The following GSDME variants were observed in gnomAD, a reference collection of about 807,000 sequenced individuals.
The protein encoded by GSDME is gasdermin-E.
GSDME carries 44 observed loss-of-function variants against 47.5 expected under a neutral mutation model. That is an observed-to-expected ratio of 0.93 (90% CI 0.73 to 1.19). The LOEUF is 1.19. Among genes scored for constraint, GSDME ranks in the 50% most tolerant of loss-of-function variants. The pLI, the probability that GSDME is intolerant of heterozygous loss-of-function variation, is 0.00. For missense variants in GSDME, 663 were observed against 604.2 expected (o/e 1.10, Z -1.02); for synonymous variants, 258 against 252.8 (o/e 1.02, Z -0.20).
the GSDME span, among the ~76,000 whole-genome samples, chr7:24,793,222 T>A: frequency 1.3e-5 from 2 of 152,220 alleles, no homozygotes; most frequent in Admixed American, 1.3e-4. Flanking sequence ...GACCATAAGG[T>A]AAGATTTTTT....
chr7:24,731,999 G>A (rs1250159236), intron 3 of GSDME, among the ~76,000 whole-genome samples: 2 of 152,148 alleles, frequency 1.3e-5, no homozygotes, highest in African/African-American at 4.8e-5. Context: ...GCATAAAGAG[G>A]TACTGCCAGC....
At position 24,716,207 on chromosome 7, in the gene GSDME, G is replaced by A. The variant is rs551507672; in HGVS notation, c.697+1047C>T. On this transcript the variant is annotated intron_variant, in intron 5 of 9. Transcript: ENST00000645220. The surrounding 1 kb of genome is among the most constrained non-coding windows in gnomAD (Gnocchi z 4.5). ...TTACAGAAAATGTCAAACTGCACAGGAATAGAGAGGAGGAGCGTGAACCAG... is the reference window on the plus strand; with the variant it reads ...TTACAGAAAATGTCAAACTGCACAGAAATAGAGAGGAGGAGCGTGAACCAG... 6.6e-6 allele frequency among the ~76,000 whole-genome samples: 1 copy of A among 152,264 alleles called. No homozygotes were observed. Among genetic ancestry groups the A allele is most frequent in the Non-Finnish European group, 1.5e-5 (1 of 68,030 alleles).
chr7:24,782,434 T>A, the GSDME span, among the ~76,000 whole-genome samples: 1 of 152,156 alleles, frequency 6.6e-6, no homozygotes, highest in African/African-American at 2.4e-5. Flanking sequence ...CCATGGTGTA[T>A]ATATGCCACA....
At chr7:24,795,253 C>A in the GSDME span, among the ~76,000 whole-genome samples, 1 of 152,204 alleles carries the variant, frequency 6.6e-6, no homozygotes, top group East Asian at 1.9e-4. Flanking sequence ...CGGCAGGAGT[C>A]CCCCGCAGGG....
rs569964990 is a variant in GSDME, at chr7:24,731,844, G to T, written c.405-12626C>A. On this transcript the variant is annotated intron_variant, in intron 3 of 9. Transcript: ENST00000645220. ...AGATCTTTGGGTAAGCTGGTTAGGA[G>T]GTGGCATAGTAGCATTTATTATGTT... Among the ~76,000 whole-genome samples, 6 of 152,314 alleles carry T rather than the reference G, an allele frequency of 3.9e-5. No homozygotes were observed. In the South Asian group the frequency reaches 1.2e-3, roughly 32 times the overall value.
chr7:24,760,019 T>A (rs1791143563), upstream of GSDME, among the ~76,000 whole-genome samples: 1 of 152,212 alleles, frequency 6.6e-6, no homozygotes, highest in African/African-American at 2.4e-5. The surrounding 1 kb of genome is among the most constrained non-coding windows in gnomAD (Gnocchi z 4.2). Context: ...TTATTCCATA[T>A]AGATATATCC....
At position 24,699,278 on chromosome 7, in the gene GSDME, A is replaced by G. The variant is rs751305669; in HGVS notation, c.1258-19T>C. 5 of 1,551,562 alleles carry G rather than the reference A, an allele frequency of 3.2e-6. No homozygotes were observed. The highest frequency in any genetic ancestry group is 1.7e-5 in the Admixed American group (1 of 59,872). ...CACGAAGCTGAAATGACACATTTAAACAAATTCACTTTTAAAATGTCCTAA... is the reference window on the plus strand; with the variant it reads ...CACGAAGCTGAAATGACACATTTAAGCAAATTCACTTTTAAAATGTCCTAA... On this transcript the variant is annotated intron_variant, in intron 9 of 9. Transcript: ENST00000645220.
intron 3 of GSDME, among the ~76,000 whole-genome samples, chr7:24,730,368 G>C (rs1790105316): frequency 6.6e-6 from 1 of 152,140 alleles, no homozygotes; most frequent in South Asian, 2.1e-4. Flanking sequence ...CTTTCTCAAT[G>C]GTACATAGAA....
At chr7:24,781,969 C>A in the GSDME span, among the ~76,000 whole-genome samples, 1 of 152,198 alleles carries the variant, frequency 6.6e-6, no homozygotes, top group Admixed American at 6.5e-5. Flanking sequence ...TGGTCTGAAA[C>A]TCCTGGCCTC....
In GSDME at chr7:24,702,581, C is replaced by T. The variant is rs1788913407; in HGVS notation, c.1257+179G>A. On this transcript the variant is annotated intron_variant, in intron 9 of 9. Coordinates refer to ENST00000645220, the MANE Select transcript of GSDME (RefSeq NM_001127453.2). Reference sequence around the variant, plus strand: ...GGACAAATCATTTTCCTCTGGGTCTCAGTCTTCCCATGGGGTGGGATGTGT... The same window carrying T: ...GGACAAATCATTTTCCTCTGGGTCTTAGTCTTCCCATGGGGTGGGATGTGT... The T allele has an allele frequency of 5.0e-6, 3 of 599,406 alleles. No individual in the cohort carries two copies. In the African/African-American group the frequency reaches 5.5e-5, roughly 11 times the overall value. The allele number at this position is 599,406 out of a possible 1,614,324, so 37.1% of individuals were successfully genotyped here.
chr7:24,727,760 C>A (rs1211156165), intron 3 of GSDME, among the ~76,000 whole-genome samples: 1 of 152,240 alleles, frequency 6.6e-6, no homozygotes, highest in Non-Finnish European at 1.5e-5. Context: ...TAACTGCCCC[C>A]CTAAAATCCT....
At position 24,736,739 on chromosome 7, in the gene GSDME, G is replaced by A. The variant is rs1328062953; in HGVS notation, c.404+7823C>T. ...CTTTTCCTCAGCACATGGATCATTC[G>A]CAAGGATAGACCATATGTTAGGCCA... On this transcript the variant is annotated intron_variant, in intron 3 of 9. Coordinates refer to ENST00000645220, the MANE Select transcript of GSDME (RefSeq NM_001127453.2). This position sits in a 1 kb window ranked among gnomAD's most constrained non-coding sequence, Gnocchi z 4.6. 2.6e-5 allele frequency among the ~76,000 whole-genome samples: 4 copies of A among 152,066 alleles called. No individual in the cohort carries two copies. Among genetic ancestry groups the A allele is most frequent in the East Asian group, 3.9e-4 (2 of 5,190 alleles).
rs369745054 is a variant in GSDME at position 24,700,712 on chromosome 7, T to TA, written c.1258-1454dup. 3.3e-5 allele frequency among the ~76,000 whole-genome samples: 5 copies of TA among 152,330 alleles called. No homozygotes were observed. The East Asian group carries it at 9.6e-4, about 29-fold the overall frequency. On this transcript the variant is annotated intron_variant, in intron 9 of 9. Transcript: ENST00000645220. ...GTAACCACAGGCTTAACGTTACCAT[T>TA]AGGCTCAGACTGCAAACTATTGATT...
the GSDME span, among the ~76,000 whole-genome samples, chr7:24,766,676 G>A: frequency 1.3e-5 from 2 of 152,144 alleles, no homozygotes; most frequent in Non-Finnish European, 2.9e-5. The surrounding 1 kb of genome is among the most constrained non-coding windows in gnomAD (Gnocchi z 4.2). Flanking sequence ...GTGTATATGT[G>A]CCACATTTTC....
the GSDME span, among the ~76,000 whole-genome samples, chr7:24,766,247 C>G: frequency 1.3e-5 from 2 of 150,490 alleles, no homozygotes; most frequent in Non-Finnish European, 3.0e-5. The surrounding 1 kb of genome is among the most constrained non-coding windows in gnomAD (Gnocchi z 4.2). Flanking sequence ...TCAGCCTATA[C>G]TCATTCATTT....
At chr7:24,720,253 A>T (rs1789727930) in intron 3 of GSDME, among the ~76,000 whole-genome samples, 1 of 152,274 alleles carries the variant, frequency 6.6e-6, no homozygotes, top group South Asian at 2.1e-4. Context: ...AAATGATGAA[A>T]TAACTTCTCT....
At position 24,732,271 on chromosome 7, in the gene GSDME, G is replaced by C. The variant is rs562397082; in HGVS notation, c.404+12291C>G. ...TAGCCATTGGGAAATTGATCAGGTA[G>C]GAAGGAAGCCCAGTTCAAACTTTGT... On this transcript the variant is annotated intron_variant, in intron 3 of 9. Coordinates refer to ENST00000645220, the MANE Select transcript of GSDME (RefSeq NM_001127453.2). This position sits in a 1 kb window ranked among gnomAD's most constrained non-coding sequence, Gnocchi z 4.8. Among the ~76,000 whole-genome samples, 3 of 152,314 alleles carry C rather than the reference G, an allele frequency of 2.0e-5. No individual in the cohort carries two copies. Among genetic ancestry groups the C allele is most frequent in the African/African-American group, 7.2e-5 (3 of 41,550 alleles).
chr7:24,720,085 G>A (rs1329657514), intron 3 of GSDME, among the ~76,000 whole-genome samples: 1 of 152,190 alleles, frequency 6.6e-6, no homozygotes, highest in Non-Finnish European at 1.5e-5. Flanking sequence ...GGGGTTTGAT[G>A]TCTTTTTACA....
At chr7:24,718,895 C>T (rs1416043023) in intron 4 of GSDME, 152 bp downstream of exon 4, 2 of 852,500 alleles carry the variant, frequency 2.3e-6, no homozygotes, top group Non-Finnish European at 3.8e-6. Flanking sequence ...TGAGCCAATA[C>T]ACTCTTGCTC....
Sources: gnomAD v4.1 joint callset for allele counts (sites outside exome capture counted in the v4.1 genomes callset) on GRCh38, gnomAD v4.1.1 for gene constraint, Gnocchi (gnomAD v3.1) non-coding constraint, MANE v1.5 for transcripts, NCBI Gene and HGNC (gene_info 2026-07-23, HGNC 2026-07-21) for gene names.